Variants in RARB observed in about 807,000 individuals in gnomAD.
RARB encodes the protein retinoic acid receptor beta, also known as HBV-activated protein.
In RARB, 17 loss-of-function variants were observed where a neutral mutation model predicts 51.9. The ratio of observed to expected loss-of-function variants is 0.33; its 90% CI spans 0.22 to 0.49. RARB has a LOEUF of 0.49. RARB is among the 20% of genes least tolerant of loss of function. The pLI is 0.99. For missense variants in RARB, 369 were observed against 550.8 expected (o/e 0.67, Z 3.30); for synonymous variants, 215 against 195.4 (o/e 1.10, Z -0.84).
intron 2 of RARB, among the ~76,000 whole-genome samples, chr3:24,997,206 T>C (rs1697060992): frequency 6.6e-6 from 1 of 152,164 alleles, no homozygotes; most frequent in Non-Finnish European, 1.5e-5. Context: ...GTTGTTATTG[T>C]GTAATGTCTT....
At chr3:24,923,904 C>A (rs972227950) in intron 2 of RARB, among the ~76,000 whole-genome samples, 4 of 152,026 alleles carry the variant, frequency 2.6e-5, no homozygotes, top group Non-Finnish European at 5.9e-5. Context: ...AGGATGGTTT[C>A]TATGGTTGTA....
At chr3:25,165,724 T>A (rs764718885) in intron 4 of RARB, among the ~76,000 whole-genome samples, 2 of 152,222 alleles carry the variant, frequency 1.3e-5, no homozygotes, top group Non-Finnish European at 2.9e-5. Context: ...AGGTGAAGCC[T>A]GACTTCAGCA....
In RARB at chr3:25,326,819, GAC is replaced by G. The variant is rs1205710502; in HGVS notation, c.179-134370_179-134369del. 9.6e-5 allele frequency among the ~76,000 whole-genome samples: 12 copies of G among 125,592 alleles called. No individual in the cohort carries two copies. In the South Asian group the frequency reaches 2.9e-3, roughly 30 times the overall value. The allele number at this position is 125,592 out of a possible 152,430, so 82.4% of individuals were successfully genotyped here. A position where few individuals can be genotyped will look rare whatever the true frequency, so the allele number is the denominator to read the frequency against. ...ACACTCACAAAATGTAGGATAAAAAGACACAGGGATTTTTTTTTTTAATTTTA... is the reference window on the plus strand; with the variant it reads ...ACACTCACAAAATGTAGGATAAAAAGACAGGGATTTTTTTTTTTAATTTTA... On this transcript the variant is annotated intron_variant, in intron 5 of 11. Coordinates refer to the RARB transcript ENST00000383772.
At chr3:25,284,419 T>C (rs904809612) in intron 5 of RARB, among the ~76,000 whole-genome samples, 1 of 152,130 alleles carries the variant, frequency 6.6e-6, no homozygotes, top group African/African-American at 2.4e-5. Context: ...GCAATAAAAA[T>C]ATTTGAGCAA....
intron 1 of RARB, among the ~76,000 whole-genome samples, chr3:25,445,585 T>C (rs1378644947): frequency 6.6e-6 from 1 of 152,018 alleles, no homozygotes; most frequent in South Asian, 2.1e-4. Context: ...GAGAATTGCT[T>C]GAGCCCAGGA....
intron 4 of RARB, among the ~76,000 whole-genome samples, chr3:25,169,867 A>G (rs1181016365): frequency 6.6e-6 from 1 of 152,022 alleles, no homozygotes; most frequent in African/African-American, 2.4e-5. Flanking sequence ...ACACACCTAT[A>G]GTTCCAGCTA....
intron 5 of RARB, among the ~76,000 whole-genome samples, chr3:25,240,313 T>C (rs972408009): frequency 5.9e-5 from 9 of 152,260 alleles, no homozygotes; most frequent in African/African-American, 1.7e-4. Flanking sequence ...TTTGGATGCA[T>C]TTGAGTTCTT....
intron 4 of RARB, among the ~76,000 whole-genome samples, chr3:25,151,767 A>C: frequency 6.6e-6 from 1 of 152,216 alleles, no homozygotes; most frequent in Non-Finnish European, 1.5e-5. Context: ...AACACGTCTC[A>C]AAGGAATGTT....
intron 5 of RARB, among the ~76,000 whole-genome samples, chr3:25,216,818 A>G (rs751500258): frequency 6.6e-6 from 1 of 151,676 alleles, no homozygotes; most frequent in Non-Finnish European, 1.5e-5. Context: ...CTTTTAGTCT[A>G]TAGTTTTGCT....
chr3:25,440,208 C>T (rs6762157), intron 1 of RARB, among the ~76,000 whole-genome samples: 22,289 of 152,022 alleles, frequency 0.15, 1,765 homozygotes, highest in African/African-American at 0.2. Flanking sequence ...TCTAGCACTT[C>T]AGGAGGCCCG....
intron 5 of RARB, among the ~76,000 whole-genome samples, chr3:25,264,122 T>TAA (rs796384364): frequency 0.096 from 14,462 of 151,026 alleles, 745 homozygotes; most frequent in South Asian, 0.22. Flanking sequence ...TTTTTTTTTT[T>TAA]AAAAAAAGGT....
chr3:25,234,944 T>A (rs1702269039), intron 5 of RARB, among the ~76,000 whole-genome samples: 1 of 152,132 alleles, frequency 6.6e-6, no homozygotes, highest in Admixed American at 6.6e-5. Flanking sequence ...ACTGGGAACA[T>A]TCTTAGAGCA....
At chr3:24,984,601 C>T (rs1312113434) in intron 2 of RARB, among the ~76,000 whole-genome samples, 4 of 151,838 alleles carry the variant, frequency 2.6e-5, no homozygotes, top group African/African-American at 7.3e-5. Flanking sequence ...AGAGAGGTGG[C>T]GAAAACAGAG....
chr3:25,177,850 A>G (rs2125355487), intron 5 of RARB, among the ~76,000 whole-genome samples: 1 of 152,274 alleles, frequency 6.6e-6, no homozygotes, highest in East Asian at 1.9e-4. Context: ...TATCAACTAT[A>G]AAATATTTTT....
intron 4 of RARB, among the ~76,000 whole-genome samples, chr3:25,146,503 G>GTTTTTTTTTTT (rs1364462708): frequency 4.6e-4 from 34 of 73,576 alleles, no homozygotes; most frequent in African/African-American, 1.2e-3. Context: ...TTTTTTGTTT[G>GTTTTTTTTTTT]TTTGTTTGTT....
chr3:25,005,378 TCA>T (rs1697248469), intron 2 of RARB, among the ~76,000 whole-genome samples: 1 of 152,174 alleles, frequency 6.6e-6, no homozygotes, highest in Non-Finnish European at 1.5e-5. Flanking sequence ...TCTCATGAAG[TCA>T]CAGACAAGCT....
intron 5 of RARB, among the ~76,000 whole-genome samples, chr3:25,246,437 T>G (rs570851000): frequency 2.0e-5 from 3 of 152,262 alleles, no homozygotes; most frequent in African/African-American, 7.2e-5. Context: ...TTTGTGCTTG[T>G]TTTTCCTCAC....
intron 5 of RARB, among the ~76,000 whole-genome samples, chr3:25,407,097 G>A (rs950074251): frequency 2.0e-5 from 3 of 152,080 alleles, no homozygotes; most frequent in Admixed American, 1.3e-4. Context: ...CATTCAGCCC[G>A]ATCTTTTCGG....
intron 2 of RARB, among the ~76,000 whole-genome samples, chr3:24,898,321 TATA>T (rs138671411): frequency 0.094 from 14,132 of 149,694 alleles, 1,299 homozygotes; most frequent in East Asian, 0.33. Context: ...AAATTATAAA[TATA>T]ATATTTATAT....
Sources: gnomAD v4.1 joint callset for allele counts (sites outside exome capture counted in the v4.1 genomes callset) on GRCh38, gnomAD v4.1.1 for gene constraint, MANE v1.5 for transcripts, NCBI Gene and HGNC (gene_info 2026-07-23, HGNC 2026-07-21) for gene names.